SLC22A25: variants seen among roughly 807,000 people sequenced by gnomAD.
SLC22A25 encodes the protein solute carrier family 22 member 25, also known as MGI:2442751, MGI:2385316, MGI:3042283, MGI:3645714, MGI:3605624, MGI:2442750.
SLC22A25 carries 44 observed loss-of-function variants against 45.9 expected under a neutral mutation model. That is an observed-to-expected ratio of 0.96 (90% CI 0.75 to 1.23). SLC22A25 has a LOEUF of 1.23. SLC22A25 is among the 50% of genes most tolerant of loss of function. The probability of loss-of-function intolerance (pLI) is 0.00; values close to 1 mark genes in which losing one functional copy is unlikely to be tolerated. For synonymous variants in SLC22A25, 283 were observed against 238.6 expected, an observed-to-expected ratio of 1.19 and a Z score of -1.72; for missense variants, 800 against 666.4, an observed-to-expected ratio of 1.20 and a Z score of -2.21.
rs745616246 is a variant in SLC22A25 at position 63,166,226 on chromosome 11, G to A, written c.1103C>T (p.Thr368Ile). ...GTTTCCCAGATGCTGGAGGTGCAAA[G>A]TAAGGCCCCAAAAAGGGATGGTACT... Reference protein sequence around the residue: ...FASTIPFWGLTLHLQHLGNNV... With the variant: ...FASTIPFWGLILHLQHLGNNV... The change falls in exon 10 of 12, where the codon ACT (threonine) becomes ATT (isoleucine). Residue 368 changes from threonine to isoleucine, a missense_variant. Thr to Ile is a moderately conservative substitution (Grantham distance 89). Coordinates refer to ENST00000306494, the MANE Select transcript of SLC22A25 (RefSeq NM_199352.6). 1.2e-6 allele frequency: 2 copies of A among 1,613,862 alleles called. No homozygotes were observed. The highest frequency in any genetic ancestry group is 2.7e-5 in the African/African-American group (2 of 74,924).
rs1215868714 is a variant in SLC22A25 at position 63,159,334 on chromosome 11, C to T, written c.*4490G>A. 6.6e-6 allele frequency among the ~76,000 whole-genome samples: 1 copy of T among 152,088 alleles called. No homozygotes were observed. Among genetic ancestry groups the T allele is most frequent in the African/African-American group, 2.4e-5 (1 of 41,400 alleles). ...ATCTTGAATTATAGCTCCCATAGTT[C>T]CCACCTGTCATGGGAGGGAGCCTGT... On this transcript the variant is annotated 3_prime_UTR_variant, in exon 12 of 12. Transcript: ENST00000306494.
At chr11:63,220,813 C>T (rs1462250152) in intron 5 of SLC22A25, among the ~76,000 whole-genome samples, 1 of 152,102 alleles carries the variant, frequency 6.6e-6, no homozygotes, top group East Asian at 1.9e-4. Context: ...TCATTTTACT[C>T]TCTATGTCCA....
At chr11:63,232,260 C>T (rs1277606961) in intron 3 of SLC22A25, among the ~76,000 whole-genome samples, 3 of 152,126 alleles carry the variant, frequency 2.0e-5, no homozygotes, top group Admixed American at 6.5e-5. Flanking sequence ...TCTTCCTACC[C>T]GTGAGCATGG....
chr11:63,236,989 C>T (rs1310513694), intron 3 of SLC22A25, among the ~76,000 whole-genome samples: 1 of 152,190 alleles, frequency 6.6e-6, no homozygotes, highest in African/African-American at 2.4e-5. Flanking sequence ...AAATATCTGT[C>T]TTTCAGTTCT....
chr11:63,207,868 T>A (rs1037423028), intron 7 of SLC22A25, among the ~76,000 whole-genome samples: 14 of 152,184 alleles, frequency 9.2e-5, no homozygotes, highest in Non-Finnish European at 1.6e-4. Context: ...TGAATAACTG[T>A]CTTTGTTTCT....
rs751126689 is a variant in SLC22A25, at chr11:63,180,612, T to G, written c.1070+48A>C. ...GTATCATTTGAAATAAGAAATGGAT[T>G]TATGTCTCCTCTATTTTAACATTCC... On this transcript the variant is annotated intron_variant, in intron 9 of 11. Coordinates refer to ENST00000306494, the MANE Select transcript of SLC22A25 (RefSeq NM_199352.6). The G allele has an allele frequency of 1.8e-5, 23 of 1,305,408 alleles. No individual in the cohort carries two copies. The South Asian group carries it at 3.2e-4, about 18-fold the overall frequency. 80.9% of individuals were successfully genotyped at this position (1,305,408 alleles called of 1,614,324 possible).
Position 63,164,041 on chromosome 11 carries a change from G to A in SLC22A25, c.1427C>T (p.Ala476Val). ...GRATGITGNFANIGGALASLM... is the reference protein window; with the variant it reads ...GRATGITGNFVNIGGALASLM... ...GGAAGCCAGGGCTCCCCCAATATTA[G>A]CAAAGTTTCCAGTGATTCCAGTAGC... The change falls in exon 12 of 12, where the codon GCT (alanine) becomes GTT (valine). Residue 476 changes from alanine to valine, a missense_variant. Ala to Val is a moderately conservative substitution (Grantham distance 64). Transcript: ENST00000306494. The A allele has an allele frequency of 3.1e-6, 5 of 1,609,266 alleles. No homozygotes were observed. Among genetic ancestry groups the A allele is most frequent in the South Asian group, 1.1e-5 (1 of 90,158 alleles).
chr11:63,176,718 C>G (rs1169850975), intron 9 of SLC22A25, among the ~76,000 whole-genome samples: 2 of 151,928 alleles, frequency 1.3e-5, no homozygotes, highest in Non-Finnish European at 2.9e-5. Flanking sequence ...CCTAACTGCT[C>G]TGGTTAGCAC....
intron 7 of SLC22A25, among the ~76,000 whole-genome samples, chr11:63,210,096 G>T (rs963340195): frequency 6.6e-6 from 1 of 152,216 alleles, no homozygotes; most frequent in African/African-American, 2.4e-5. Flanking sequence ...GCTTTGCGAG[G>T]CATATAGGCT....
chr11:63,224,964 T>G (rs985127546), intron 5 of SLC22A25, among the ~76,000 whole-genome samples: 1 of 152,070 alleles, frequency 6.6e-6, no homozygotes, highest in Admixed American at 6.6e-5. Flanking sequence ...CCAGGCGTGG[T>G]GGCGGGCGCC....
chr11:63,228,953 G>A (rs1284110706), intron 4 of SLC22A25, among the ~76,000 whole-genome samples: 1 of 152,166 alleles, frequency 6.6e-6, no homozygotes, highest in Non-Finnish European at 1.5e-5. Context: ...TTCAACCACA[G>A]GCTGAGCATT....
intron 7 of SLC22A25, among the ~76,000 whole-genome samples, chr11:63,192,576 G>A (rs1265647058): frequency 1.3e-5 from 2 of 152,170 alleles, no homozygotes; most frequent in African/African-American, 4.8e-5. Flanking sequence ...CCATTGGTGT[G>A]CTGTCTTTAA....
intron 7 of SLC22A25, among the ~76,000 whole-genome samples, chr11:63,212,000 G>A (rs2089578607): frequency 6.6e-6 from 1 of 152,134 alleles, no homozygotes; most frequent in Admixed American, 6.5e-5. Context: ...ATCAAAAAGT[G>A]GGCGAAGGAT....
At chr11:63,169,674 T>C (rs541061394) in intron 9 of SLC22A25, among the ~76,000 whole-genome samples, 1 of 152,236 alleles carries the variant, frequency 6.6e-6, no homozygotes, top group East Asian at 1.9e-4. Flanking sequence ...AGCAAGTTAT[T>C]AGAGACCTAC....
At chr11:63,168,812 G>T (rs1042468464) in intron 9 of SLC22A25, among the ~76,000 whole-genome samples, 6 of 152,098 alleles carry the variant, frequency 3.9e-5, no homozygotes, top group African/African-American at 1.4e-4. Flanking sequence ...AGGATATACA[G>T]AGAACACCAC....
chr11:63,164,717 C>T (rs2087621190), intron 10 of SLC22A25, 83 bp from the exon 11 acceptor site: 3 of 1,125,202 alleles, frequency 2.7e-6, no homozygotes, highest in South Asian at 2.5e-5. Context: ...AAAAGGACTG[C>T]TTTGGAGGTG....
At chr11:63,225,327 T>G (rs998569369) in intron 5 of SLC22A25, among the ~76,000 whole-genome samples, 1 of 152,196 alleles carries the variant, frequency 6.6e-6, no homozygotes, top group South Asian at 2.1e-4. Context: ...CTGGTGTTGA[T>G]GAAACCTCTC....
chr11:63,195,226 A>T (rs2088976630), intron 7 of SLC22A25, among the ~76,000 whole-genome samples: 1 of 152,164 alleles, frequency 6.6e-6, no homozygotes, highest in Non-Finnish European at 1.5e-5. Context: ...ATATACAGGA[A>T]CTAAACTCAG....
At chr11:63,202,217 G>A (rs1383076039) in intron 7 of SLC22A25, among the ~76,000 whole-genome samples, 1 of 151,882 alleles carries the variant, frequency 6.6e-6, no homozygotes, top group Non-Finnish European at 1.5e-5. Flanking sequence ...AAACTGGGTA[G>A]TCATTTGGGC....
Sources: gnomAD v4.1 joint callset for allele counts (sites outside exome capture counted in the v4.1 genomes callset) on GRCh38, gnomAD v4.1.1 for gene constraint, MANE v1.5 for transcripts, NCBI Gene and HGNC (gene_info 2026-07-23, HGNC 2026-07-21) for gene names.